SSX5: variants seen among roughly 807,000 people sequenced by gnomAD.
The protein encoded by SSX5 is protein SSX5.
SSX5 carries 14 observed loss-of-function variants against 14.9 expected under a neutral mutation model. That is an observed-to-expected ratio of 0.94 (90% CI 0.62 to 1.47). The LOEUF is 1.47. Among genes scored for constraint, SSX5 ranks in the 40% most tolerant of loss-of-function variants. SSX5 has a pLI of 0.00. For missense variants in SSX5, 204 were observed against 154.6 expected, an observed-to-expected ratio of 1.32 and a Z score of -1.70; for synonymous variants, 70 against 55.4, an observed-to-expected ratio of 1.26 and a Z score of -1.17.
At chrX:48,192,396 A>T (rs782672093) in intron 4 of SSX5, 115 bp from the exon 5 acceptor site, 1 of 1,063,366 alleles carries the variant, frequency 9.4e-7, no homozygotes, top group Non-Finnish European at 1.3e-6. Flanking sequence ...CTGATTGTTG[A>T]GGAGTTATTT....
At chrX:48,195,267 A>T (rs370126682) in intron 2 of SSX5, 23 bp downstream of exon 2, 1 of 1,208,072 alleles carries the variant, frequency 8.3e-7, no homozygotes, top group Non-Finnish European at 1.1e-6. Context: ...GGCCACTACT[A>T]TGCCCCCTGC....
In SSX5 at chrX:48,194,866, A is replaced by C. The variant is rs1284267021; in HGVS notation, c.70-12T>G. 1 of 1,203,660 alleles carries C rather than the reference A, an allele frequency of 8.3e-7. No homozygotes were observed. The highest frequency in any genetic ancestry group is 1.1e-6 in the Non-Finnish European group (1 of 892,663). ...ATATCATCGAAGGCCTAGAAAAAAA[A>C]AAAGGATTTCTGATAGTGACTCAGC... is the stretch of plus-strand genomic sequence containing the variant. On this transcript the variant is annotated splice_polypyrimidine_tract_variant and intron_variant, in intron 2 of 7. Transcript: ENST00000347757.
intron 5 of SSX5, 65 bp from the exon 6 acceptor site, chrX:48,190,333 C>A: frequency 7.3e-6 from 8 of 1,101,565 alleles, no homozygotes; most frequent in Non-Finnish European, 9.6e-6. Flanking sequence ...TTAGAGCTTA[C>A]AAAGAATCTT....
intron 1 of SSX5, 104 bp from the exon 2 acceptor site, chrX:48,195,482 T>A: frequency 1.2e-6 from 1 of 837,220 alleles, no homozygotes; most frequent in Admixed American, 2.6e-5. Flanking sequence ...GAATCAGGAG[T>A]TGCATTTCTC....
intron 6 of SSX5, among the ~76,000 whole-genome samples, chrX:48,189,438 C>T (rs1347270551): frequency 9.0e-6 from 1 of 111,585 alleles, no homozygotes; most frequent in Non-Finnish European, 1.9e-5. Flanking sequence ...GCCACTCCAC[C>T]CTTCAGCAAC....
At chrX:48,192,369 C>T (rs2059423646) in intron 4 of SSX5, 88 bp from the exon 5 acceptor site, 1 of 1,144,479 alleles carries the variant, frequency 8.7e-7, no homozygotes, top group Non-Finnish European at 1.2e-6. Context: ...CATTCTGCAG[C>T]AGAGGTTATG....
At chrX:48,190,879 G>C (rs1290067446) in intron 5 of SSX5, among the ~76,000 whole-genome samples, 2 of 111,153 alleles carry the variant, frequency 1.8e-5, no homozygotes, top group Non-Finnish European at 3.8e-5. Flanking sequence ...GGTTGCATTG[G>C]GATGTATCAC....
At chrX:48,191,581 C>G (rs2059420334) in intron 5 of SSX5, among the ~76,000 whole-genome samples, 1 of 111,655 alleles carries the variant, frequency 9.0e-6, no homozygotes, top group Non-Finnish European at 1.9e-5. Flanking sequence ...AGTAACAGAT[C>G]AGAGACCAGA....
intron 6 of SSX5, 126 bp downstream of exon 6, chrX:48,190,007 G>A (rs1225761934): frequency 4.3e-6 from 4 of 938,874 alleles, no homozygotes; most frequent in Non-Finnish European, 5.6e-6. Flanking sequence ...CTCATCTGGA[G>A]CTGGGCGAGC....
intron 6 of SSX5, among the ~76,000 whole-genome samples, chrX:48,188,940 A>T (rs180905946): frequency 1.5e-3 from 170 of 112,722 alleles, no homozygotes; most frequent in African/African-American, 5.1e-3. Flanking sequence ...GTCAGGATAG[A>T]AGACGAAACC....
intron 1 of SSX5, 102 bp downstream of exon 1, chrX:48,196,629 G>T (rs1429542945): frequency 2.7e-5 from 3 of 110,808 alleles, no homozygotes; most frequent in Admixed American, 1.9e-4. Context: ...TTGAGATGGC[G>T]ACCTGCCTCA....
chrX:48,191,178 C>A (rs2059418578), intron 5 of SSX5, among the ~76,000 whole-genome samples: 1 of 111,134 alleles, frequency 9.0e-6, no homozygotes, highest in Non-Finnish European at 1.9e-5. Context: ...GCTGGGATTA[C>A]AGTCGTGAGC....
intron 4 of SSX5, among the ~76,000 whole-genome samples, chrX:48,193,234 G>A (rs1458643699): frequency 4.7e-5 from 5 of 105,873 alleles, no homozygotes; most frequent in Admixed American, 2.2e-4. Context: ...AGTTTTTGGC[G>A]GATCTACAGT....
At position 48,187,635 on chromosome X, in the gene SSX5, T is replaced by A. The variant is rs782592791; in HGVS notation, c.563A>T (p.Glu188Val). The change falls in exon 7 of 8, where the codon GAG (glutamate) becomes GTG (valine). Residue 188 changes from glutamate (E) to valine (V), a missense_variant. Glu to Val is a moderately radical substitution (Grantham distance 121). Coordinates refer to ENST00000347757, the MANE Select transcript of SSX5 (RefSeq NM_175723.2). ...EEISDPQEDD[E>V] ...GCCAAAGGTTCACTTACGGAGTTAC[T>A]CGTCATCTTCCTGAGGGTCGCTGAT... 5 of 1,208,891 alleles carry A rather than the reference T, an allele frequency of 4.1e-6. No individual in the cohort carries two copies. Among genetic ancestry groups the A allele is most frequent in the Non-Finnish European group, 5.6e-6 (5 of 894,448 alleles).
chrX:48,186,773 A>G lies in SSX5; in HGVS notation c.*88T>C. 8.4e-7 allele frequency: 1 copy of G among 1,195,845 alleles called. No individual in the cohort carries two copies. Among genetic ancestry groups the G allele is most frequent in the East Asian group, 3.0e-5 (1 of 33,830 alleles). ...GCTTTCACTTGCTATACACCTGATG[A>G]CGAGGGATCCGCAGCCATGCCCATG... On this transcript the variant is annotated 3_prime_UTR_variant, in exon 8 of 8. Transcript: ENST00000347757.
At chrX:48,193,412 A>G (rs1334988684) in intron 4 of SSX5, among the ~76,000 whole-genome samples, 1 of 111,564 alleles carries the variant, frequency 9.0e-6, no homozygotes, top group East Asian at 2.8e-4. Flanking sequence ...ACATTACCCC[A>G]CAGCTATTTT....
At chrX:48,193,722 C>A (rs782252608) in intron 4 of SSX5, among the ~76,000 whole-genome samples, 2 of 110,457 alleles carry the variant, frequency 1.8e-5, no homozygotes, top group South Asian at 3.9e-4. Context: ...GCACTCCACC[C>A]TGGCCGAGAA....
chrX:48,186,967 C>T (rs781855212), intron 7 of SSX5, 111 bp from the exon 8 acceptor site: 20 of 952,749 alleles, frequency 2.1e-5, no homozygotes, highest in African/African-American at 5.8e-5. Flanking sequence ...TTCTGCCCTA[C>T]CTCAGGACCT....
intron 4 of SSX5, among the ~76,000 whole-genome samples, chrX:48,192,745 G>A (rs1426870602): frequency 8.9e-6 from 1 of 112,019 alleles, no homozygotes; most frequent in Non-Finnish European, 1.9e-5. Flanking sequence ...GTCCTTTAAC[G>A]TCAAAAACTT....
Sources: allele counts gnomAD v4.1 joint callset (sites outside exome capture counted in the v4.1 genomes callset), GRCh38; gene constraint gnomAD v4.1.1; transcripts MANE v1.5; gene names NCBI Gene and HGNC (gene_info 2026-07-23, HGNC 2026-07-21).